Variants in NUMA1 observed in about 807,000 individuals in gnomAD.
NUMA1 encodes the protein SP-H antigen.
A neutral mutation model predicts 237.1 loss-of-function variants in NUMA1; 62 were observed. The ratio of observed to expected loss-of-function variants is 0.26; its 90% CI spans 0.21 to 0.32. The LOEUF (loss-of-function observed/expected upper bound fraction) is 0.32. NUMA1 is among the 10% of genes least tolerant of loss of function. NUMA1 has a pLI of 1.00. For synonymous variants in NUMA1, 1,028 were observed against 1,066.1 expected (o/e 0.96, Z 0.70); for missense variants, 2,533 against 2,666.5 (o/e 0.95, Z 1.10).
intron 2 of NUMA1, among the ~76,000 whole-genome samples, chr11:72,053,533 T>C (rs572150274): frequency 6.6e-6 from 1 of 152,372 alleles, no homozygotes; most frequent in South Asian, 2.1e-4. Context: ...AGAAGACAGT[T>C]TGAAGTAAGG....
Position 72,020,000 on chromosome 11 carries a change from G to A in NUMA1, c.461-383C>T, listed in dbSNP as rs75078003. On this transcript the variant is annotated intron_variant, in intron 8 of 26. Coordinates refer to ENST00000393695, the MANE Select transcript of NUMA1 (RefSeq NM_006185.4). ...GCCCCCAACAACCTTTCCTATCAGA[G>A]CCATTGGCCACCATTTGGAATTCAT... 2.0e-4 allele frequency among the ~76,000 whole-genome samples: 31 copies of A among 152,294 alleles called. No homozygotes were observed. In the East Asian group the frequency reaches 5.0e-3, roughly 25 times the overall value.
chr11:72,045,416 A>C (rs779633754), intron 2 of NUMA1, among the ~76,000 whole-genome samples: 27 of 152,238 alleles, frequency 1.8e-4, no homozygotes, highest in Admixed American at 5.2e-4. Context: ...ATGAAAGCAA[A>C]GGCAAAGCAG....
intron 23 of NUMA1, among the ~76,000 whole-genome samples, 176 bp downstream of exon 23, chr11:72,005,057 A>ACTT (rs1366875650): frequency 6.6e-6 from 1 of 152,018 alleles, no homozygotes; most frequent in Admixed American, 6.6e-5. Flanking sequence ...ACCCCAAGGG[A>ACTT]CTTCACCCCT....
At chr11:72,077,062 T>C (rs1329094105) in intron 1 of NUMA1, among the ~76,000 whole-genome samples, 1 of 151,948 alleles carries the variant, frequency 6.6e-6, no homozygotes, top group African/African-American at 2.4e-5. Context: ...ACTAGTATAC[T>C]AGAAGATAGA....
In NUMA1 at chr11:72,059,175, A is replaced by G. The variant is rs557251570; in HGVS notation, c.-33+10667T>C. On this transcript the variant is annotated intron_variant, in intron 2 of 26. Coordinates refer to ENST00000393695, the MANE Select transcript of NUMA1 (RefSeq NM_006185.4). Reference sequence around the variant, plus strand: ...ATACAGGTATGTGTGTTTGGTCTACATATCTGTAATCATACCATATAATAT... The same window carrying G: ...ATACAGGTATGTGTGTTTGGTCTACGTATCTGTAATCATACCATATAATAT... Among the ~76,000 whole-genome samples, 31 of 152,330 alleles carry G rather than the reference A, an allele frequency of 2.0e-4. No homozygotes were observed. The South Asian group carries it at 6.2e-3, about 31-fold the overall frequency.
At chr11:72,027,220 T>C (rs924935181) in intron 4 of NUMA1, among the ~76,000 whole-genome samples, 1 of 152,214 alleles carries the variant, frequency 6.6e-6, no homozygotes, top group Non-Finnish European at 1.5e-5. Context: ...ACAAGGCATA[T>C]TATACCTGGC....
At chr11:72,035,399 AC>A (rs57266821) in intron 3 of NUMA1, among the ~76,000 whole-genome samples, 1,658 of 141,970 alleles carry the variant, frequency 0.012, 20 homozygotes, top group African/African-American at 0.042. Context: ...AGCATTTACC[AC>A]CCCCCCTTTT....
chr11:72,048,888 G>A (rs1015732978), intron 2 of NUMA1, among the ~76,000 whole-genome samples: 3 of 152,178 alleles, frequency 2.0e-5, no homozygotes, highest in Non-Finnish European at 4.4e-5. Context: ...TGGTGCTAAA[G>A]GGAAGGACTG....
At chr11:72,048,879 G>A (rs1435329268) in intron 2 of NUMA1, among the ~76,000 whole-genome samples, 1 of 152,124 alleles carries the variant, frequency 6.6e-6, no homozygotes, top group Non-Finnish European at 1.5e-5. Context: ...AGGAAATGCT[G>A]GTGCTAAAGG....
chr11:72,010,418 T>C (rs939824675), intron 17 of NUMA1, among the ~76,000 whole-genome samples: 1 of 152,256 alleles, frequency 6.6e-6, no homozygotes, highest in African/African-American at 2.4e-5. Context: ...CTTTATGCAA[T>C]GGTGGAATGT....
In NUMA1 at chr11:72,033,257, C is replaced by T. The variant is rs1249125399; in HGVS notation, c.42+2645G>A. On this transcript the variant is annotated intron_variant, in intron 3 of 26. Coordinates refer to ENST00000393695, the MANE Select transcript of NUMA1 (RefSeq NM_006185.4). ...CTAACTGCAACCTCAAACTCCCGGG[C>T]TCAAGCAATTCTCCCATCTCAGCTT... Among the ~76,000 whole-genome samples, 12 of 152,078 alleles carry T rather than the reference C, an allele frequency of 7.9e-5. 1 individual carries two copies. Among genetic ancestry groups the T allele is most frequent in the Admixed American group, 7.9e-4 (12 of 15,242 alleles).
At chr11:72,017,933 C>T in intron 12 of NUMA1, 106 bp from the exon 13 acceptor site, 1 of 1,332,066 alleles carries the variant, frequency 7.5e-7, no homozygotes, top group Non-Finnish European at 1.0e-6. Flanking sequence ...ATTATCCTGC[C>T]AACCCTCTAC....
intron 2 of NUMA1, among the ~76,000 whole-genome samples, chr11:72,055,598 T>C (rs147431628): frequency 7.9e-5 from 12 of 152,320 alleles, no homozygotes; most frequent in African/African-American, 1.9e-4. Context: ...ATGTAGGTGC[T>C]AGTAACACAG....
At chr11:72,021,414 C>G in intron 7 of NUMA1, 123 bp from the exon 8 acceptor site, 1 of 790,446 alleles carries the variant, frequency 1.3e-6, no homozygotes, top group Non-Finnish European at 2.1e-6. Context: ...CCTGCTGGAT[C>G]CCATTCTCCC....
intron 2 of NUMA1, among the ~76,000 whole-genome samples, chr11:72,052,099 G>A (rs1216019280): frequency 6.6e-6 from 1 of 152,204 alleles, no homozygotes; most frequent in African/African-American, 2.4e-5. Context: ...GGGGCAGTAG[G>A]AACTAAAACA....
In NUMA1 at chr11:72,013,469, G is replaced by T. The variant is rs200358741; in HGVS notation, c.4034C>A (p.Thr1345Asn). ...TGTGCTGGTGTGCTCGAGCTGCAGG[G>T]TGGAGAGGGCCTGCTCTTTCTGGAA... ...KFFQKEQALSTLQLEHTSTQA... is the reference protein window; with the variant it reads ...KFFQKEQALSNLQLEHTSTQA... The change falls in exon 15 of 27, where the codon ACC becomes AAC. Residue 1345 changes from threonine to asparagine, a missense_variant. Around this residue, in one of 3 missense-constraint regions of NUMA1, gnomAD observed 324 missense variants for 407.6 expected, o/e 0.79. Transcript: ENST00000393695. This position sits in a 1 kb window ranked among gnomAD's most constrained non-coding sequence, Gnocchi z 6.8. 1 of 1,613,470 alleles carries T rather than the reference G, an allele frequency of 6.2e-7. No individual in the cohort carries two copies. Among genetic ancestry groups the T allele is most frequent in the Non-Finnish European group, 8.5e-7 (1 of 1,180,040 alleles).
Position 72,018,984 on chromosome 11 carries a change from A to AGGAG in NUMA1, c.585-8_585-5dup, listed in dbSNP as rs1299568361. ...AGCTGGAGAACCTGAGAGAAAGCTG[A>AGGAG]GGAGGGAGAAGGCCCATATGCATTG... On this transcript the variant is annotated splice_region_variant and splice_polypyrimidine_tract_variant and intron_variant, in intron 9 of 26. Coordinates refer to ENST00000393695, the MANE Select transcript of NUMA1 (RefSeq NM_006185.4). 1 of 1,613,472 alleles carries AGGAG rather than the reference A, an allele frequency of 6.2e-7. No individual in the cohort carries two copies. Among genetic ancestry groups the AGGAG allele is most frequent in the Non-Finnish European group, 8.5e-7 (1 of 1,179,950 alleles).
chr11:72,070,755 C>A (rs561749172), intron 1 of NUMA1, among the ~76,000 whole-genome samples: 1 of 152,242 alleles, frequency 6.6e-6, no homozygotes, highest in Non-Finnish European at 1.5e-5. Context: ...GGCAACAGAG[C>A]GAAACCACGT....
At position 72,003,662 on chromosome 11, in the gene NUMA1, G is replaced by C; in HGVS notation, c.6337-124C>G. ...GATCCCCTCCCTTGTGAGCCCCAGG[G>C]TTATCAGTTGCTGGCTGTGCCTGAG... is the stretch of plus-strand genomic sequence containing the variant. On this transcript the variant is annotated intron_variant, in intron 26 of 26. Coordinates refer to ENST00000393695, the MANE Select transcript of NUMA1 (RefSeq NM_006185.4). 3.9e-6 allele frequency: 5 copies of C among 1,294,654 alleles called. No individual in the cohort carries two copies. The South Asian group carries it at 6.1e-5, about 16-fold the overall frequency. The allele number at this position is 1,294,654 out of a possible 1,614,324, so 80.2% of individuals were successfully genotyped here.
Sources: allele counts gnomAD v4.1 joint callset (sites outside exome capture counted in the v4.1 genomes callset), GRCh38; gene constraint gnomAD v4.1.1; regional missense constraint gnomAD v4.1.1; non-coding constraint Gnocchi (gnomAD v3.1); transcripts MANE v1.5; gene names NCBI Gene and HGNC (gene_info 2026-07-23, HGNC 2026-07-21).